The following SPIRE1 variants were observed in gnomAD, a reference collection of about 807,000 sequenced individuals.
SPIRE1 encodes protein spire homolog 1.
SPIRE1 carries 40 observed loss-of-function variants against 94.1 expected under a neutral mutation model. That is an observed-to-expected ratio of 0.43 (90% CI 0.33 to 0.55). SPIRE1 has a LOEUF of 0.55. Among genes scored for constraint, SPIRE1 ranks in the 20% least tolerant of loss-of-function variants. The pLI is 0.06. For missense variants in SPIRE1, 838 were observed against 975.2 expected (o/e 0.86, Z 1.87); for synonymous variants, 376 against 371.7 (o/e 1.01, Z -0.13).
intron 5 of SPIRE1, among the ~76,000 whole-genome samples, chr18:12,510,907 A>G (rs1469163119): frequency 6.6e-6 from 1 of 152,164 alleles, no homozygotes; most frequent in Non-Finnish European, 1.5e-5. Context: ...CATGCCTACC[A>G]ACTCTAAGTT....
intron 5 of SPIRE1, among the ~76,000 whole-genome samples, chr18:12,507,623 C>T (rs932604241): frequency 3.3e-5 from 5 of 151,272 alleles, no homozygotes; most frequent in South Asian, 2.1e-4. Context: ...TGCTTGAACC[C>T]GGGAGGTAGA....
intron 2 of SPIRE1, among the ~76,000 whole-genome samples, chr18:12,591,017 A>G (rs1416383968): frequency 6.6e-6 from 1 of 152,246 alleles, no homozygotes; most frequent in Non-Finnish European, 1.5e-5. Flanking sequence ...ATTCTAGAAG[A>G]GGGAGAGAGG....
At chr18:12,464,743 T>A (rs1306987848) in intron 11 of SPIRE1, 125 bp downstream of exon 11, 1 of 712,508 alleles carries the variant, frequency 1.4e-6, no homozygotes, top group Non-Finnish European at 2.4e-6. Flanking sequence ...TCCCGATCAG[T>A]GAAATGCCTG....
At chr18:12,556,188 T>C (rs1247185871) in intron 2 of SPIRE1, among the ~76,000 whole-genome samples, 1 of 152,146 alleles carries the variant, frequency 6.6e-6, no homozygotes, top group East Asian at 1.9e-4. Flanking sequence ...ATAGTCGATG[T>C]TCATGGATTG....
chr18:12,600,096 G>A (rs61542301), intron 2 of SPIRE1, among the ~76,000 whole-genome samples: 25,423 of 111,092 alleles, frequency 0.23, 2,348 homozygotes, highest in East Asian at 0.33. Context: ...TCCAGCCAAT[G>A]GCCAGCAAAA....
intron 8 of SPIRE1, among the ~76,000 whole-genome samples, chr18:12,491,709 A>T (rs1248972143): frequency 2.6e-5 from 4 of 152,308 alleles, no homozygotes; most frequent in Middle Eastern, 6.8e-3. Context: ...AACAAGACAG[A>T]CATGGGCCCT....
chr18:12,560,383 T>C (rs1005742988), intron 2 of SPIRE1, among the ~76,000 whole-genome samples: 3 of 152,176 alleles, frequency 2.0e-5, no homozygotes, highest in Admixed American at 2.0e-4. Flanking sequence ...TACATATATC[T>C]AATAGAATAC....
At chr18:12,658,612 C>T, upstream of SPIRE1, 1 of 470,520 alleles carries the variant, frequency 2.1e-6, no homozygotes, top group Non-Finnish European at 4.4e-6. Flanking sequence ...AACTTGAACC[C>T]GCCTGGAGCG....
chr18:12,537,770 A>G (rs1567917752), intron 3 of SPIRE1, among the ~76,000 whole-genome samples: 1 of 152,344 alleles, frequency 6.6e-6, no homozygotes, highest in East Asian at 1.9e-4. Flanking sequence ...AATTGCATCA[A>G]AAATGCTAAG....
chr18:12,569,242 C>T (rs927112615), intron 2 of SPIRE1, among the ~76,000 whole-genome samples: 2 of 151,258 alleles, frequency 1.3e-5, no homozygotes, highest in African/African-American at 4.9e-5. Context: ...ACTCGGGAGG[C>T]TGAGGCAGGA....
chr18:12,554,480 T>C (rs1177341940), intron 2 of SPIRE1, among the ~76,000 whole-genome samples: 2 of 152,006 alleles, frequency 1.3e-5, no homozygotes, highest in African/African-American at 4.8e-5. Flanking sequence ...AAATAATAAG[T>C]AATGAGATCA....
intron 1 of SPIRE1, among the ~76,000 whole-genome samples, chr18:12,654,587 C>A (rs546119368): frequency 4.0e-5 from 6 of 150,518 alleles, no homozygotes; most frequent in Admixed American, 4.0e-4. Flanking sequence ...GCGGAGCTTG[C>A]AAGCTTGCAG....
At chr18:12,454,256 A>G (rs1243636827) in intron 13 of SPIRE1, 90 bp downstream of exon 13, 1 of 1,479,850 alleles carries the variant, frequency 6.8e-7, no homozygotes, top group Non-Finnish European at 9.3e-7. Flanking sequence ...AGTCTGTGCC[A>G]CCTGGCTAGC....
intron 1 of SPIRE1, among the ~76,000 whole-genome samples, chr18:12,646,604 C>T (rs951334505): frequency 2.0e-5 from 3 of 152,092 alleles, no homozygotes; most frequent in Non-Finnish European, 2.9e-5. Context: ...TAGCACTACC[C>T]TCCAATTATC....
chr18:12,543,647 A>T (rs1158129663), intron 3 of SPIRE1, among the ~76,000 whole-genome samples: 1 of 152,214 alleles, frequency 6.6e-6, no homozygotes, highest in Non-Finnish European at 1.5e-5. Flanking sequence ...AACATAACAA[A>T]TTATTAGATT....
At chr18:12,496,608 G>A (rs1317701702) in intron 6 of SPIRE1, among the ~76,000 whole-genome samples, 1 of 152,086 alleles carries the variant, frequency 6.6e-6, no homozygotes, top group African/African-American at 2.4e-5. Context: ...GGTGGCTCAC[G>A]TCTGTAATCC....
At chr18:12,620,677 A>G (rs1420019698) in intron 2 of SPIRE1, among the ~76,000 whole-genome samples, 1 of 152,220 alleles carries the variant, frequency 6.6e-6, no homozygotes, top group Non-Finnish European at 1.5e-5. Context: ...AGACCTAAAT[A>G]TAAGAACCAA....
At position 12,634,850 on chromosome 18, in the gene SPIRE1, G is replaced by A. The variant is rs559702122; in HGVS notation, c.372+212C>T. Reference sequence around the variant, plus strand: ...GTCAGAAGGCTGAGGCGGGAGAATCGCTTGAACTCAAGAGGCAGAGGTTGC... The same window carrying A: ...GTCAGAAGGCTGAGGCGGGAGAATCACTTGAACTCAAGAGGCAGAGGTTGC... On this transcript the variant is annotated intron_variant, in intron 2 of 16. Transcript: ENST00000409402. 1.7e-3 allele frequency among the ~76,000 whole-genome samples: 251 copies of A among 151,822 alleles called. 1 individual carries two copies. The highest frequency in any genetic ancestry group is 2.9e-3 in the Non-Finnish European group (194 of 67,954).
chr18:12,635,893 T>C (rs989664589), intron 1 of SPIRE1, among the ~76,000 whole-genome samples: 4 of 151,820 alleles, frequency 2.6e-5, no homozygotes, highest in Admixed American at 6.6e-5. Context: ...TTGGTTTTTT[T>C]TGTTTTTTTT....
Sources: gnomAD v4.1 joint callset for allele counts (sites outside exome capture counted in the v4.1 genomes callset) on GRCh38, gnomAD v4.1.1 for gene constraint, MANE v1.5 for transcripts, NCBI Gene and HGNC (gene_info 2026-07-23, HGNC 2026-07-21) for gene names.